ATL3: variants seen among roughly 807,000 people sequenced by gnomAD.
ATL3 encodes the protein atlastin GTPase 3, also known as atlastin-3.
A neutral mutation model predicts 69.5 loss-of-function variants in ATL3; 49 were observed. The ratio of observed to expected loss-of-function variants is 0.71; its 90% CI spans 0.56 to 0.89. The LOEUF is 0.89. Among genes scored for constraint, ATL3 ranks in the 40% least tolerant of loss-of-function variants. The pLI is 0.00. For synonymous variants in ATL3, 214 were observed against 224.1 expected (o/e 0.95, Z 0.40); for missense variants, 606 against 645.7 (o/e 0.94, Z 0.67).
chr11:63,631,197 G>C lies in ATL3; in HGVS notation c.1382C>G (p.Thr461Ser), dbSNP rs747719105. 1.9e-6 allele frequency: 3 copies of C among 1,614,112 alleles called. No individual in the cohort carries two copies. The highest frequency in any genetic ancestry group is 1.1e-5 in the South Asian group (1 of 91,090). Residue 461 changes from threonine (T) to serine (S), a missense_variant, in exon 12 of 13, where the codon ACT (threonine) becomes AGT (serine). Thr to Ser is a moderately conservative substitution (Grantham distance 58). Coordinates refer to ENST00000398868, the MANE Select transcript of ATL3 (RefSeq NM_015459.5). ...TACAACCTCAAGACCTATGAAGCCAGTGAGGCCTGAGGCTATGTACAAAGC... is the reference window on the plus strand; with the variant it reads ...TACAACCTCAAGACCTATGAAGCCACTGAGGCCTGAGGCTATGTACAAAGC... Reference protein sequence around the residue: ...IVALYIASGLTGFIGLEVVAQ... With the variant: ...IVALYIASGLSGFIGLEVVAQ...
intron 12 of ATL3, 49 bp from the exon 13 acceptor site, chr11:63,629,454 G>T: frequency 6.6e-7 from 1 of 1,509,892 alleles, no homozygotes; most frequent in Non-Finnish European, 9.2e-7. Context: ...ATACAACACA[G>T]CAACAAGAAA....
At chr11:63,666,631 A>G (rs1030677000) in intron 1 of ATL3, among the ~76,000 whole-genome samples, 3 of 147,812 alleles carry the variant, frequency 2.0e-5, no homozygotes, top group African/African-American at 7.4e-5. Flanking sequence ...GGTGGATCGC[A>G]CACCGTGCGA....
intron 10 of ATL3, among the ~76,000 whole-genome samples, chr11:63,634,221 A>G (rs1939438585): frequency 6.7e-6 from 1 of 149,348 alleles, no homozygotes; most frequent in Non-Finnish European, 1.5e-5. Context: ...AAGAAAAAAA[A>G]GGGGGCTGGG....
chr11:63,632,848 A>AAG (rs758883463), intron 11 of ATL3, 178 bp downstream of exon 11: 23 of 755,154 alleles, frequency 3.0e-5, no homozygotes, highest in Admixed American at 1.1e-4. Context: ...AAACAAGAAC[A>AAG]AACAAACAAA....
intron 7 of ATL3, 30 bp from the exon 8 acceptor site, chr11:63,643,525 C>G: frequency 6.3e-7 from 1 of 1,589,300 alleles, no homozygotes; most frequent in Non-Finnish European, 8.6e-7. Flanking sequence ...ATTTACCAAC[C>G]AAAAGTCATT....
chr11:63,664,611 T>C (rs1940519571), intron 1 of ATL3, among the ~76,000 whole-genome samples: 1 of 151,524 alleles, frequency 6.6e-6, no homozygotes, highest in Admixed American at 6.6e-5. Context: ...GCACATACAA[T>C]AAGCTATTGT....
chr11:63,648,154 C>T (rs1023716462), intron 5 of ATL3, among the ~76,000 whole-genome samples: 2 of 152,112 alleles, frequency 1.3e-5, no homozygotes, highest in African/African-American at 2.4e-5. Context: ...GACTTAGATA[C>T]CAAACTCAGC....
intron 1 of ATL3, 90 bp from the exon 2 acceptor site, chr11:63,659,342 C>T: frequency 9.0e-7 from 1 of 1,109,000 alleles, no homozygotes; most frequent in Non-Finnish European, 1.3e-6. Context: ...AAACAGGGGA[C>T]AGGGCCAGGC....
intron 1 of ATL3, among the ~76,000 whole-genome samples, chr11:63,667,056 T>C (rs556522819): frequency 6.6e-6 from 1 of 152,340 alleles, no homozygotes; most frequent in African/African-American, 2.4e-5. Context: ...AATCTTGTGC[T>C]ATCCTGCCTG....
intron 1 of ATL3, among the ~76,000 whole-genome samples, chr11:63,668,588 T>C (rs1940659967): frequency 6.6e-6 from 1 of 152,202 alleles, no homozygotes; most frequent in Non-Finnish European, 1.5e-5. Context: ...TGTGTAATGC[T>C]TCATAGGTTT....
chr11:63,627,930 G>A lies in ATL3; in HGVS notation c.*1389C>T, dbSNP rs1341836668. 4 of 152,164 alleles carry A rather than the reference G, an allele frequency of 2.6e-5. No individual in the cohort carries two copies. The highest frequency in any genetic ancestry group is 5.9e-5 in the Non-Finnish European group (4 of 68,032). 9.4% of individuals were successfully genotyped at this position (152,164 alleles called of 1,614,324 possible). ...TTTAGCTTCATTATTAAGAACATTA[G>A]ACACGGCAGAGAATGCAAATTAACA... On this transcript the variant is annotated 3_prime_UTR_variant, in exon 13 of 13. Coordinates refer to ENST00000398868, the MANE Select transcript of ATL3 (RefSeq NM_015459.5).
chr11:63,666,324 C>T (rs1940572015), intron 1 of ATL3, among the ~76,000 whole-genome samples: 1 of 152,190 alleles, frequency 6.6e-6, no homozygotes, highest in Admixed American at 6.5e-5. Flanking sequence ...CAGGCGTGAG[C>T]CACCGCGCCC....
intron 10 of ATL3, 114 bp from the exon 11 acceptor site, chr11:63,633,211 AT>A: frequency 1.3e-6 from 1 of 798,230 alleles, no homozygotes; most frequent in Non-Finnish European, 2.0e-6. Context: ...TTAACCTTCT[AT>A]TTTTCTAGAT....
At chr11:63,633,153 C>A in intron 10 of ATL3, 56 bp from the exon 11 acceptor site, 1 of 1,403,584 alleles carries the variant, frequency 7.1e-7, no homozygotes, top group Non-Finnish European at 1.0e-6. Context: ...CATTCCTCCA[C>A]AAATAACCTA....
intron 1 of ATL3, among the ~76,000 whole-genome samples, chr11:63,665,920 G>A (rs967058478): frequency 2.0e-5 from 3 of 152,064 alleles, no homozygotes; most frequent in South Asian, 2.1e-4. Flanking sequence ...TTGGGCTTAT[G>A]TAAGGGAAGA....
rs545167689 is a variant in ATL3, at chr11:63,626,897, C to T, written c.*2422G>A. 3 of 150,976 alleles carry T rather than the reference C, an allele frequency of 2.0e-5. No homozygotes were observed. The highest frequency in any genetic ancestry group is 2.0e-4 in the Admixed American group (3 of 15,222). 9.4% of individuals were successfully genotyped at this position (150,976 alleles called of 1,614,324 possible). The stretch of plus-strand genomic sequence containing the variant: ...AGGCCAAAGAAAACTCTTAAGAACC[C>T]TCACTGAGAAAACTTTATAAAACAC... On this transcript the variant is annotated 3_prime_UTR_variant, in exon 13 of 13. Transcript: ENST00000398868.
rs1939803672 is a variant in ATL3, at chr11:63,644,446, G to A, written c.619-185C>T. On this transcript the variant is annotated intron_variant, in intron 6 of 12. Transcript: ENST00000398868. Reference sequence around the variant, plus strand: ...GCTCCGTCACTAAGGCTAGAGTGCAGTGGCATGATCATAGCTCACTGTAGC... The same window carrying A: ...GCTCCGTCACTAAGGCTAGAGTGCAATGGCATGATCATAGCTCACTGTAGC... 8.8e-5 allele frequency among the ~76,000 whole-genome samples: 13 copies of A among 147,024 alleles called. No homozygotes were observed. The Admixed American group carries it at 9.0e-4, about 10-fold the overall frequency.
chr11:63,652,125 ATC>A (rs1940097034), intron 4 of ATL3, 139 bp from the exon 5 acceptor site: 2 of 1,407,164 alleles, frequency 1.4e-6, no homozygotes, highest in Non-Finnish European at 1.9e-6. Flanking sequence ...CAGCAATATG[ATC>A]TGTCTTTTGG....
At chr11:63,630,407 A>AGAGAGCACAGCGAG (rs1286847590) in intron 12 of ATL3, among the ~76,000 whole-genome samples, 1 of 149,592 alleles carries the variant, frequency 6.7e-6, no homozygotes, top group Non-Finnish European at 1.5e-5. Flanking sequence ...AGCCTGGGCA[A>AGAGAGCACAGCGAG]AAGCGTAAAA....
Sources: gnomAD v4.1 joint callset for allele counts (sites outside exome capture counted in the v4.1 genomes callset) on GRCh38, gnomAD v4.1.1 for gene constraint, MANE v1.5 for transcripts, NCBI Gene and HGNC (gene_info 2026-07-23, HGNC 2026-07-21) for gene names.